DNAH17: variants seen among roughly 807,000 people sequenced by gnomAD.
The protein encoded by DNAH17 is dynein axonemal heavy chain 17.
In DNAH17, 376 loss-of-function variants were observed where a neutral mutation model predicts 485.6. That is an observed-to-expected ratio of 0.77 (90% CI 0.71 to 0.84). The LOEUF (loss-of-function observed/expected upper bound fraction) is 0.84. DNAH17 is among the 40% of genes least tolerant of loss of function. The probability of loss-of-function intolerance (pLI) is 0.00; values close to 1 mark genes in which losing one functional copy is unlikely to be tolerated. For missense variants in DNAH17, 6,370 were observed against 5,839.3 expected (o/e 1.09, Z -2.96); for synonymous variants, 3,031 against 2,405.9 (o/e 1.26, Z -7.60).
chr17:78,515,048 C>T, intron 25 of DNAH17, 26 bp from the exon 26 acceptor site: 6 of 1,611,256 alleles, frequency 3.7e-6, no homozygotes, highest in Non-Finnish European at 5.1e-6. Flanking sequence ...CCCGTTTCTC[C>T]TTCCACTCTC....
At position 78,425,358 on chromosome 17, in the gene DNAH17, G is replaced by T; in HGVS notation, c.13129C>A (p.Leu4377Ile). 1 of 1,613,930 alleles carries T rather than the reference G, an allele frequency of 6.2e-7. No individual in the cohort carries two copies. The highest frequency in any genetic ancestry group is 1.7e-5 in the Admixed American group (1 of 60,024). ...GAGCCCTCCTTACCTTCCATGAAGA[G>T]TCCGTACACGTAGGAGCCCTCTCGC... Reference protein sequence around the residue: ...PPREGSYVYGLFMEGARWDTQ... With the variant: ...PPREGSYVYGIFMEGARWDTQ... The change falls in exon 80 of 81, where the codon CTC (leucine) becomes ATC (isoleucine). Residue 4377 changes from leucine (L) to isoleucine (I), a missense_variant. Transcript: ENST00000389840.
chr17:78,542,117 GC>G (rs60167499), intron 17 of DNAH17, among the ~76,000 whole-genome samples: 323 of 18,172 alleles, frequency 0.018, 2 homozygotes, highest in Middle Eastern at 0.069. Context: ...ACTGGAAACC[GC>G]CCCCCCCAAA....
At chr17:78,477,565 C>G (rs8073394) in intron 51 of DNAH17, among the ~76,000 whole-genome samples, 6,083 of 152,020 alleles carry the variant, frequency 0.04, 389 homozygotes, top group African/African-American at 0.14. Context: ...TTTTAGTAGA[C>G]ACAGGGTTTC....
Position 78,526,495 on chromosome 17 carries a change from C to T in DNAH17, c.3711+156G>A, listed in dbSNP as rs139314227. 7.4e-3 allele frequency: 4,506 copies of T among 607,066 alleles called. 22 individuals carry two copies. The highest frequency in any genetic ancestry group is 0.01 in the Non-Finnish European group (3,639 of 352,346). 37.6% of individuals were successfully genotyped at this position (607,066 alleles called of 1,614,324 possible). A position where few individuals can be genotyped will look rare whatever the true frequency, so the allele number is the denominator to read the frequency against. On this transcript the variant is annotated intron_variant, in intron 24 of 80. Transcript: ENST00000389840. ...ACACACCCATGCATGTGCTCGCACA[C>T]GTATGTGCATGCATACACATAAGAG...
At position 78,486,466 on chromosome 17, in the gene DNAH17, C is replaced by G; in HGVS notation, c.6859G>C (p.Glu2287Gln). The G allele has an allele frequency of 6.2e-7, 1 of 1,612,990 alleles. No individual in the cohort carries two copies. The highest frequency in any genetic ancestry group is 8.5e-7 in the Non-Finnish European group (1 of 1,179,578). Reference sequence around the variant, plus strand: ...AAGAGGATCATCAGGTTGGCCTTCTCCGACTGCACCTTGCGCCTCTCGATC... The same window carrying G: ...AAGAGGATCATCAGGTTGGCCTTCTGCGACTGCACCTTGCGCCTCTCGATC... ...SWIERRKVQSEKANLMILFDK... is the reference protein window; with the variant it reads ...SWIERRKVQSQKANLMILFDK... Residue 2287 changes from glutamate to glutamine, a missense_variant, in exon 45 of 81, where the codon GAG (glutamate) becomes CAG (glutamine). Transcript: ENST00000389840.
intron 38 of DNAH17, 63 bp downstream of exon 38, chr17:78,495,812 C>G: frequency 1.3e-6 from 2 of 1,568,546 alleles, no homozygotes; most frequent in Non-Finnish European, 1.7e-6. Flanking sequence ...CTCCTTGGCA[C>G]TGGGACGTTG....
chr17:78,526,304 G>A (rs1198201885), intron 24 of DNAH17, among the ~76,000 whole-genome samples: 3 of 152,328 alleles, frequency 2.0e-5, no homozygotes, highest in East Asian at 1.9e-4. Flanking sequence ...GGAAGCTGCT[G>A]AATGTGAACA....
In DNAH17 at chr17:78,461,615, C is replaced by T. The variant is rs544426335; in HGVS notation, c.9268G>A (p.Glu3090Lys). The change falls in exon 58 of 81, where the codon GAG becomes AAG. Residue 3090 changes from glutamate (E) to lysine (K), a missense_variant. By Grantham distance (56) the Glu-to-Lys change is moderately conservative (BLOSUM62 1). Transcript: ENST00000389840. ...TTCTCTTTGCTGACCTTCTCGGCCT[C>T]GATGCCGACCACCTGGATCAGTTGG... ...ADQLIQVVGI[E>K]AEKVSKEKAI... is the part of the protein sequence containing the mutation. 27 of 1,609,388 alleles carry T rather than the reference C, an allele frequency of 1.7e-5. No individual in the cohort carries two copies. The highest frequency in any genetic ancestry group is 5.1e-5 in the Admixed American group (3 of 59,378).
rs1242433926 is a variant in DNAH17, at chr17:78,501,235, T to C, written c.5432A>G (p.Tyr1811Cys). The C allele has an allele frequency of 6.2e-7, 1 of 1,606,396 alleles. No individual in the cohort carries two copies. Among genetic ancestry groups the C allele is most frequent in the East Asian group, 2.2e-5 (1 of 44,594 alleles). ...NICDAQIQYSYEYLGNTPRLV... is the reference protein window; with the variant it reads ...NICDAQIQYSCEYLGNTPRLV... ...CCGCGGCGTGTTGCCCAGATACTCA[T>C]AGGAATACTGGATTTGGGCATCGCA... Residue 1811 changes from tyrosine to cysteine, a missense_variant, in exon 35 of 81, where the codon TAT becomes TGT. Coordinates refer to ENST00000389840, the MANE Select transcript of DNAH17 (RefSeq NM_173628.4).
chr17:78,572,692 C>A lies in DNAH17; in HGVS notation c.539+9G>T, dbSNP rs1433181865. The stretch of plus-strand genomic sequence containing the variant: ...CCAGCGGCAGCCGGAAGCAGCTGGG[C>A]CCACACACCTCTCCATGGACTCCAG... On this transcript the variant is annotated intron_variant, in intron 3 of 80. Coordinates refer to ENST00000389840, the MANE Select transcript of DNAH17 (RefSeq NM_173628.4). 6.3e-7 allele frequency: 1 copy of A among 1,594,350 alleles called. No individual in the cohort carries two copies. The highest frequency in any genetic ancestry group is 8.5e-7 in the Non-Finnish European group (1 of 1,170,962).
Position 78,555,348 on chromosome 17 carries a change from T to C in DNAH17, c.2179-2543A>G, listed in dbSNP as rs556275357. 5.3e-4 allele frequency among the ~76,000 whole-genome samples: 80 copies of C among 152,054 alleles called. 1 individual carries two copies. Among genetic ancestry groups the C allele is most frequent in the African/African-American group, 1.8e-3 (74 of 41,492 alleles). On this transcript the variant is annotated intron_variant, in intron 14 of 80. Coordinates refer to ENST00000389840, the MANE Select transcript of DNAH17 (RefSeq NM_173628.4). ...AATCTCAGAACACACCTCTTTAGTG[T>C]GCTCGTGACTAAATCATGGTGCTCC...
At chr17:78,469,747 G>A (rs961096346) in intron 54 of DNAH17, among the ~76,000 whole-genome samples, 1 of 152,226 alleles carries the variant, frequency 6.6e-6, no homozygotes, top group Non-Finnish European at 1.5e-5. Flanking sequence ...TCTTAAAAAG[G>A]GGAGGAAATT....
At chr17:78,508,331 C>T (rs1015817888) in intron 27 of DNAH17, among the ~76,000 whole-genome samples, 6 of 152,150 alleles carry the variant, frequency 3.9e-5, no homozygotes, top group South Asian at 2.1e-4. Flanking sequence ...GAAGTGGAGG[C>T]GGAAAGAATC....
Position 78,543,943 on chromosome 17 carries a change from A to AC in DNAH17, c.2445dup (p.Leu816ValfsTer52). The AC allele has an allele frequency of 1.9e-6, 3 of 1,614,028 alleles. No individual in the cohort carries two copies. Among genetic ancestry groups the AC allele is most frequent in the Non-Finnish European group, 2.5e-6 (3 of 1,179,888 alleles). On this transcript the variant is annotated frameshift_variant, in exon 17 of 81. Transcript: ENST00000389840. LOFTEE classifies it high-confidence loss of function. ...TTGGCAATTCTTCCATCCAAGTCTA[A>AC]CAGGGCCTCTTTCTTATTGTCCTTT...
At chr17:78,560,610 T>A in intron 13 of DNAH17, 130 bp downstream of exon 13, 1 of 1,016,298 alleles carries the variant, frequency 9.8e-7, no homozygotes. Flanking sequence ...TGGACACACT[T>A]AAGAAGTAAA....
intron 75 of DNAH17, among the ~76,000 whole-genome samples, chr17:78,432,758 G>T (rs552609694): frequency 4.6e-4 from 70 of 152,334 alleles, no homozygotes; most frequent in African/African-American, 1.5e-3. Flanking sequence ...AAAGGAGGGG[G>T]TTCCTGAGAC....
chr17:78,536,437 AAG>A (rs2091376160), intron 19 of DNAH17, among the ~76,000 whole-genome samples: 1 of 150,922 alleles, frequency 6.6e-6, no homozygotes, highest in Non-Finnish European at 1.5e-5. Flanking sequence ...GCAACAGAGC[AAG>A]ACTCTGTCTC....
intron 20 of DNAH17, 49 bp from the exon 21 acceptor site, chr17:78,530,561 GGGGCGTCAGCACA>G: frequency 6.4e-7 from 1 of 1,564,066 alleles, no homozygotes; most frequent in Non-Finnish European, 8.7e-7. Context: ...AAGCCTAGGG[GGGGCGTCAGCACA>G]GGGCCTCAGT....
In DNAH17 at chr17:78,475,575, C is replaced by G. The variant is rs150964398; in HGVS notation, c.8319+94G>C. On this transcript the variant is annotated intron_variant, in intron 53 of 80. Transcript: ENST00000389840. ...GAGGTGTGCACTGTGTGCCACGCAG[C>G]CCCACACAATGCCACTCGGATGTCG... The G allele has an allele frequency of 1.1e-3, 1,805 of 1,596,228 alleles. 26 individuals are homozygous for G. In the East Asian group the frequency reaches 0.03, roughly 27 times the overall value.
Sources: allele counts gnomAD v4.1 joint callset (sites outside exome capture counted in the v4.1 genomes callset), GRCh38; gene constraint gnomAD v4.1.1; transcripts MANE v1.5; gene names NCBI Gene and HGNC (gene_info 2026-07-23, HGNC 2026-07-21).